RBM25: variants seen among roughly 807,000 people sequenced by gnomAD.
The protein encoded by RBM25 is RNA binding motif protein 25.
Under a neutral mutation model 120.7 loss-of-function variants are expected in RBM25, and 19 were observed. The ratio of observed to expected loss-of-function variants is 0.16; its 90% CI spans 0.11 to 0.23. The LOEUF is 0.23. Among genes scored for constraint, RBM25 ranks in the 10% least tolerant of loss-of-function variants. The pLI is 1.00. For missense variants in RBM25, 605 were observed against 1,041.5 expected, an observed-to-expected ratio of 0.58 and a Z score of 5.77; for synonymous variants, 390 against 326.7, an observed-to-expected ratio of 1.19 and a Z score of -2.09.
intron 1 of RBM25, among the ~76,000 whole-genome samples, chr14:73,066,547 A>G (rs1223558348): frequency 6.6e-6 from 1 of 150,812 alleles, no homozygotes; most frequent in Non-Finnish European, 1.5e-5. Context: ...GCTACTTGGG[A>G]GGCTGAGGCA....
At chr14:73,073,028 A>G (rs2140428418) in intron 2 of RBM25, among the ~76,000 whole-genome samples, 1 of 152,248 alleles carries the variant, frequency 6.6e-6, no homozygotes, top group East Asian at 1.9e-4. Context: ...CTGGACTCCC[A>G]TCTCAGCCCT....
chr14:73,122,326 A>AG lies in RBM25; in HGVS notation c.*2522dup, dbSNP rs200605391. On this transcript the variant is annotated 3_prime_UTR_variant, in exon 19 of 19. Coordinates refer to ENST00000261973, the MANE Select transcript of RBM25 (RefSeq NM_021239.3). ...GTTGTGCTTTTGTCGCCCAGGATGG[A>AG]GTGCAATGGCGCGAGCTCAGCTCAC... 236 of 147,862 alleles carry AG rather than the reference A, an allele frequency of 1.6e-3. 1 individual carries two copies. Among genetic ancestry groups the AG allele is most frequent in the African/African-American group, 5.5e-3 (217 of 39,810 alleles). 9.2% of individuals were successfully genotyped at this position (147,862 alleles called of 1,614,324 possible). A position where few individuals can be genotyped will look rare whatever the true frequency, so the allele number is the denominator to read the frequency against.
Position 73,097,069 on chromosome 14 carries a change from C to A in RBM25, c.698C>A (p.Pro233His). The change falls in exon 7 of 19, where the codon CCC (proline) becomes CAC (histidine). Residue 233 changes from proline to histidine, a missense_variant. By Grantham distance (77) the Pro-to-His change is moderately conservative. This residue lies in a region of RBM25 where 465 missense variants were observed against 741.6 expected (regional missense o/e 0.63). Transcript: ENST00000261973. ...NAPSQESDSH[P>H]RKKKKEKKED... is the part of the protein sequence containing the mutation. ...CCCTCACAGGAATCTGATTCTCACC[C>A]CAGGAAGAAGAAGAAGGAAAAGAAG... The A allele has an allele frequency of 6.2e-7, 1 of 1,610,578 alleles. No individual in the cohort carries two copies. The highest frequency in any genetic ancestry group is 8.5e-7 in the Non-Finnish European group (1 of 1,179,184).
Position 73,106,161 on chromosome 14 carries a change from A to G in RBM25, c.1378-35A>G, listed in dbSNP as rs371276950. The G allele has an allele frequency of 2.5e-4, 391 of 1,577,318 alleles. No individual in the cohort carries two copies. Among genetic ancestry groups the G allele is most frequent in the Non-Finnish European group, 3.1e-4 (359 of 1,167,858 alleles). The stretch of plus-strand genomic sequence containing the variant: ...TCAATATTTATAGAATGCTATGTAT[A>G]AATTTTTAAAGCTTTGAAAATTTAA... On this transcript the variant is annotated intron_variant, in intron 11 of 18. Transcript: ENST00000261973.
intron 18 of RBM25, among the ~76,000 whole-genome samples, chr14:73,117,222 T>G (rs1008027044): frequency 2.1e-5 from 1 of 47,278 alleles, no homozygotes; most frequent in East Asian, 7.6e-4. Context: ...TTTTTTTTTT[T>G]TTTTTTTTTT....
In RBM25 at chr14:73,070,528, C is replaced by G. The variant is rs147295501; in HGVS notation, c.-15-1099C>G. 9.2e-5 allele frequency among the ~76,000 whole-genome samples: 14 copies of G among 151,994 alleles called. No homozygotes were observed. In the East Asian group the frequency reaches 2.7e-3, roughly 29 times the overall value. On this transcript the variant is annotated intron_variant, in intron 1 of 18. Coordinates refer to ENST00000261973, the MANE Select transcript of RBM25 (RefSeq NM_021239.3). ...GAATGGTTACTATCTGACTGGAAGT[C>G]AGGAGTTTATTTCCCCCTGCTGAGA...
chr14:73,084,724 T>G (rs1328563299), intron 5 of RBM25, among the ~76,000 whole-genome samples: 1 of 151,200 alleles, frequency 6.6e-6, no homozygotes, highest in Non-Finnish European at 1.5e-5. Context: ...GGCTAATTTT[T>G]TATTTTTAGT....
chr14:73,091,899 G>T (rs1038934502), intron 6 of RBM25, among the ~76,000 whole-genome samples: 9 of 151,788 alleles, frequency 5.9e-5, no homozygotes, highest in Admixed American at 5.9e-4. Context: ...GAAGTTACAT[G>T]CAATAAAATC....
At chr14:73,086,435 TAAAAAAA>T (rs60061334) in intron 5 of RBM25, among the ~76,000 whole-genome samples, 1 of 132,934 alleles carries the variant, frequency 7.5e-6, no homozygotes, top group African/African-American at 2.7e-5. Flanking sequence ...AGACTCCGTC[TAAAAAAA>T]AAAAAAAACA....
At chr14:73,083,817 C>G (rs934826216) in intron 5 of RBM25, among the ~76,000 whole-genome samples, 2 of 151,668 alleles carry the variant, frequency 1.3e-5, no homozygotes, top group Non-Finnish European at 2.9e-5. Context: ...TTTCAAAAGT[C>G]TCTTTTGTCT....
At chr14:73,105,781 G>T in intron 10 of RBM25, 78 bp from the exon 11 acceptor site, 2 of 1,554,416 alleles carry the variant, frequency 1.3e-6, no homozygotes, top group Non-Finnish European at 1.7e-6. Flanking sequence ...ATTTCATAAT[G>T]TATGTTGTCC....
chr14:73,083,677 CT>C, intron 5 of RBM25, 126 bp downstream of exon 5: 1 of 576,568 alleles, frequency 1.7e-6, no homozygotes, highest in Non-Finnish European at 2.7e-6. Context: ...TCTTTGTCCT[CT>C]TTTTTATTGA....
At chr14:73,068,677 T>C (rs1300185030) in intron 1 of RBM25, 4 of 338,106 alleles carry the variant, frequency 1.2e-5, no homozygotes, top group African/African-American at 2.1e-5. Flanking sequence ...CACGCTTCCT[T>C]GGCTGGACTG....
In RBM25 at chr14:73,071,713, G is replaced by A. The variant is rs1270486172; in HGVS notation, c.72G>A (p.Pro24=). The change falls in exon 2 of 19, where the codon CCG becomes CCA. Residue 24 remains proline, a synonymous_variant. Transcript: ENST00000261973. ...CACTCCCACCAGGGATCCCACCCCC[G>A]CAGTTTCCAGGATTTCCTCCACCTG... ...IPALPPGIPP[P]QFPGFPPPVP... 8.1e-6 allele frequency: 13 copies of A among 1,613,682 alleles called. No individual in the cohort carries two copies. Among genetic ancestry groups the A allele is most frequent in the South Asian group, 2.2e-5 (2 of 91,080 alleles).
intron 5 of RBM25, among the ~76,000 whole-genome samples, chr14:73,086,779 A>G (rs1438064812): frequency 1.3e-5 from 2 of 152,110 alleles, no homozygotes; most frequent in African/African-American, 4.8e-5. Flanking sequence ...ATCTCAGCTT[A>G]CTGCAACTTC....
intron 6 of RBM25, among the ~76,000 whole-genome samples, chr14:73,088,745 T>C (rs568957755): frequency 3.9e-5 from 6 of 152,374 alleles, no homozygotes; most frequent in Admixed American, 3.9e-4. Context: ...TGGCATCTCA[T>C]GCTGAACAAA....
At chr14:73,088,614 TAAAATA>T (rs1895741440) in intron 6 of RBM25, 1 of 331,270 alleles carries the variant, frequency 3.0e-6, no homozygotes, top group Non-Finnish European at 6.0e-6. Context: ...TAAGTGAAGC[TAAAATA>T]AAGGACATTG....
At position 73,108,867 on chromosome 14, in the gene RBM25, A is replaced by G. The variant is rs370614417; in HGVS notation, c.1542-475A>G. Reference sequence around the variant, plus strand: ...AACGTCAACATTCTGAGAAGTAATGAACTGCTAGATAGGAGAGAACCTCTG... The same window carrying G: ...AACGTCAACATTCTGAGAAGTAATGGACTGCTAGATAGGAGAGAACCTCTG... On this transcript the variant is annotated intron_variant, in intron 13 of 18. Coordinates refer to ENST00000261973, the MANE Select transcript of RBM25 (RefSeq NM_021239.3). Among the ~76,000 whole-genome samples, 176 of 152,360 alleles carry G rather than the reference A, an allele frequency of 1.2e-3. 1 individual carries two copies. The highest frequency in any genetic ancestry group is 4.1e-3 in the African/African-American group (172 of 41,594).
intron 1 of RBM25, among the ~76,000 whole-genome samples, chr14:73,063,750 C>A (rs966590984): frequency 1.3e-5 from 2 of 151,296 alleles, no homozygotes; most frequent in Non-Finnish European, 3.0e-5. Flanking sequence ...GTATCCTGTT[C>A]CCTTCCAGGC....
Sources: allele counts gnomAD v4.1 joint callset (sites outside exome capture counted in the v4.1 genomes callset), GRCh38; gene constraint gnomAD v4.1.1; regional missense constraint gnomAD v4.1.1; transcripts MANE v1.5; gene names NCBI Gene and HGNC (gene_info 2026-07-23, HGNC 2026-07-21).